Variants in CLHC1 observed in about 807,000 individuals in gnomAD.
The protein encoded by CLHC1 is clathrin heavy chain linker domain-containing protein 1.
Under a neutral mutation model 69.5 loss-of-function variants are expected in CLHC1, and 72 were observed. The observed-to-expected ratio is 1.04, with a 90% confidence interval of 0.86 to 1.26. CLHC1 has a LOEUF of 1.26. CLHC1 is among the 50% of genes most tolerant of loss of function. The pLI is 0.00. For synonymous variants in CLHC1, 223 were observed against 224.3 expected (o/e 0.99, Z 0.05); for missense variants, 790 against 679.3 (o/e 1.16, Z -1.81).
In CLHC1 at chr2:55,187,998, C is replaced by T. The variant is rs115949375; in HGVS notation, c.1007-6254G>A. The stretch of plus-strand genomic sequence containing the variant: ...TGGGCAAAAGATCTTAAGTACTTCA[C>T]AAAATGGGAAATCCAAATACAAAGA... On this transcript the variant is annotated intron_variant, in intron 9 of 12. Transcript: ENST00000401408. 3.7e-3 allele frequency among the ~76,000 whole-genome samples: 560 copies of T among 152,142 alleles called. 3 individuals are homozygous for T. The highest frequency in any genetic ancestry group is 0.031 in the Middle Eastern group (9 of 294).
In CLHC1 at chr2:55,174,204, A is replaced by G. The variant is rs933816513; in HGVS notation, c.*1586T>C. ...ATTGCTTTTTAAACTATGCACATGT[A>G]TTACTTTAAAAATGCTACGTTTTAG... On this transcript the variant is annotated 3_prime_UTR_variant, in exon 13 of 13. Transcript: ENST00000401408. Among the ~76,000 whole-genome samples the G allele has an allele frequency of 1.3e-5, 2 of 152,212 alleles. No individual in the cohort carries two copies. Among genetic ancestry groups the G allele is most frequent in the Non-Finnish European group, 2.9e-5 (2 of 68,032 alleles).
At chr2:55,182,512 T>A (rs1670027075) in intron 9 of CLHC1, among the ~76,000 whole-genome samples, 1 of 152,222 alleles carries the variant, frequency 6.6e-6, no homozygotes. Flanking sequence ...ATTATTTTCC[T>A]TTTTGTGAGC....
At chr2:55,182,271 A>G (rs1489075891) in intron 9 of CLHC1, among the ~76,000 whole-genome samples, 3 of 152,176 alleles carry the variant, frequency 2.0e-5, no homozygotes, top group Non-Finnish European at 2.9e-5. Context: ...AAAACTGGAC[A>G]TTTAAAGGAA....
chr2:55,175,595 C>G lies in CLHC1; in HGVS notation c.*195G>C. 1 of 523,434 alleles carries G rather than the reference C, an allele frequency of 1.9e-6. No individual in the cohort carries two copies. Among genetic ancestry groups the G allele is most frequent in the Non-Finnish European group, 3.4e-6 (1 of 295,944 alleles). The allele number at this position is 523,434 out of a possible 1,614,324, so 32.4% of individuals were successfully genotyped here. On this transcript the variant is annotated 3_prime_UTR_variant, in exon 13 of 13. Transcript: ENST00000401408. ...TATCAAGATTCAATATAAGAAATGA[C>G]CATATGGGGAAAAGGAAGCAATAGT...
At position 55,180,555 on chromosome 2, in the gene CLHC1, G is replaced by A. The variant is rs747546236; in HGVS notation, c.1339C>T (p.His447Tyr). The A allele has an allele frequency of 1.9e-6, 3 of 1,614,052 alleles. No homozygotes were observed. The Admixed American group carries it at 5.0e-5, about 27-fold the overall frequency. The part of the protein sequence containing the change: ...ILCLCKQGQT[H>Y]RVMEYIQQLK... ...TGCTGTATGTACTCCATGACCCTAT[G>A]AGTCTGACCCTGTTTACACAAGCAA... Residue 447 changes from histidine to tyrosine, a missense_variant, in exon 11 of 13, where the codon CAT becomes TAT. His to Tyr is a moderately conservative substitution (Grantham distance 83). Transcript: ENST00000401408.
chr2:55,202,011 C>A (rs1167783682), intron 9 of CLHC1, among the ~76,000 whole-genome samples: 1 of 151,884 alleles, frequency 6.6e-6, no homozygotes, highest in African/African-American at 2.4e-5. Flanking sequence ...AGGAATATAC[C>A]TCAACTAATA....
At chr2:55,197,316 T>C (rs1671520369) in intron 9 of CLHC1, among the ~76,000 whole-genome samples, 1 of 152,194 alleles carries the variant, frequency 6.6e-6, no homozygotes, top group Non-Finnish European at 1.5e-5. Context: ...CTTCACCACC[T>C]GTTGATTGTA....
At chr2:55,180,780 TG>T in intron 10 of CLHC1, 68 bp from the exon 11 acceptor site, 1 of 1,325,046 alleles carries the variant, frequency 7.5e-7, no homozygotes, top group East Asian at 2.3e-5. Context: ...CTGAAATATT[TG>T]AAAATTCAGC....
At chr2:55,216,161 C>T (rs1031465397) in intron 4 of CLHC1, 2 of 150,406 alleles carry the variant, frequency 1.3e-5, no homozygotes, top group Admixed American at 1.3e-4. Flanking sequence ...TGGCAAGAGC[C>T]TGTTAATCCC....
intron 2 of CLHC1, among the ~76,000 whole-genome samples, chr2:55,222,973 G>C (rs1033008226): frequency 6.7e-5 from 10 of 148,934 alleles, no homozygotes; most frequent in Non-Finnish European, 1.0e-4. Flanking sequence ...ATATGCTGCT[G>C]CTCTGGGACA....
chr2:55,195,519 T>G (rs1456395038), intron 9 of CLHC1, among the ~76,000 whole-genome samples: 1 of 152,170 alleles, frequency 6.6e-6, no homozygotes, highest in Non-Finnish European at 1.5e-5. Context: ...ACTGTCTACA[T>G]GGCCGGGCAT....
At chr2:55,221,887 G>C (rs544452432) in intron 3 of CLHC1, among the ~76,000 whole-genome samples, 3 of 152,298 alleles carry the variant, frequency 2.0e-5, no homozygotes, top group African/African-American at 7.2e-5. Flanking sequence ...TGAGGCAAGA[G>C]GATAACTTGA....
intron 9 of CLHC1, among the ~76,000 whole-genome samples, chr2:55,187,364 G>T (rs1174589546): frequency 6.6e-6 from 1 of 151,918 alleles, no homozygotes; most frequent in Non-Finnish European, 1.5e-5. Context: ...TGTAATCCCA[G>T]CACTTTGGGA....
At chr2:55,191,320 C>T (rs1404595976) in intron 9 of CLHC1, among the ~76,000 whole-genome samples, 1 of 152,148 alleles carries the variant, frequency 6.6e-6, no homozygotes, top group Admixed American at 6.5e-5. Flanking sequence ...CACTGCACCT[C>T]CACCTCCTGG....
chr2:55,187,371 G>A (rs1670517053), intron 9 of CLHC1, among the ~76,000 whole-genome samples: 1 of 152,054 alleles, frequency 6.6e-6, no homozygotes, highest in African/African-American at 2.4e-5. Flanking sequence ...CCAGCACTTT[G>A]GGAGGCCAAG....
intron 12 of CLHC1, 34 bp downstream of exon 12, chr2:55,177,568 T>C: frequency 6.7e-7 from 1 of 1,492,630 alleles, no homozygotes; most frequent in Non-Finnish European, 9.1e-7. Context: ...GATAACCCAC[T>C]ACTATTTCTC....
intron 9 of CLHC1, among the ~76,000 whole-genome samples, chr2:55,188,778 G>A (rs958526114): frequency 6.6e-6 from 1 of 151,464 alleles, no homozygotes; most frequent in Non-Finnish European, 1.5e-5. Context: ...GTAGAAACAA[G>A]GCTAAATTTC....
intron 11 of CLHC1, 60 bp from the exon 12 acceptor site, chr2:55,177,841 C>G: frequency 8.1e-7 from 1 of 1,237,098 alleles, no homozygotes. Flanking sequence ...CAACTAGAAA[C>G]TAGGACTAGC....
At chr2:55,176,080 C>T (rs1028683097) in intron 12 of CLHC1, 94 bp from the exon 13 acceptor site, 12 of 1,022,844 alleles carry the variant, frequency 1.2e-5, no homozygotes, top group African/African-American at 1.6e-5. Context: ...ATAATTTCAA[C>T]TCAGTTACTG....
Sources: allele counts gnomAD v4.1 joint callset (sites outside exome capture counted in the v4.1 genomes callset), GRCh38; gene constraint gnomAD v4.1.1; transcripts MANE v1.5; gene names NCBI Gene and HGNC (gene_info 2026-07-23, HGNC 2026-07-21).